UBA2: variants seen among roughly 807,000 people sequenced by gnomAD.
UBA2 encodes ubiquitin like modifier activating enzyme 2.
UBA2 carries 11 observed loss-of-function variants against 77.2 expected under a neutral mutation model. The observed-to-expected ratio is 0.14, with a 90% CI of 0.09 to 0.24. The LOEUF is 0.24. UBA2 is among the 10% of genes least tolerant of loss of function. The probability of loss-of-function intolerance (pLI) is 1.00; values close to 1 mark genes in which losing one functional copy is unlikely to be tolerated. For synonymous variants in UBA2, 278 were observed against 276.7 expected, an observed-to-expected ratio of 1.00 and a Z score of -0.05; for missense variants, 487 against 781.7, an observed-to-expected ratio of 0.62 and a Z score of 4.50.
intron 15 of UBA2, 84 bp downstream of exon 15, chr19:34,464,215 C>T (rs2075663280): frequency 1.2e-5 from 11 of 900,432 alleles, no homozygotes; most frequent in South Asian, 1.2e-4. Context: ...GTTTTCTTAT[C>T]CTTAAACCCT....
intron 1 of UBA2, among the ~76,000 whole-genome samples, chr19:34,429,619 G>A (rs1050819437): frequency 1.3e-5 from 2 of 152,068 alleles, no homozygotes; most frequent in African/African-American, 4.8e-5. Flanking sequence ...CGTTTGCCAT[G>A]TATCATTTAA....
intron 5 of UBA2, 62 bp from the exon 6 acceptor site, chr19:34,438,583 A>G: frequency 6.9e-6 from 11 of 1,595,010 alleles, no homozygotes; most frequent in Non-Finnish European, 9.4e-6. Flanking sequence ...TGTTTATATT[A>G]CCTTATAATG....
At chr19:34,451,897 C>T (rs1185954595) in intron 9 of UBA2, 84 bp from the exon 10 acceptor site, 20 of 686,136 alleles carry the variant, frequency 2.9e-5, no homozygotes, top group African/African-American at 7.5e-5. Context: ...TCTTAATGGT[C>T]GGGGATTGAA....
At chr19:34,467,904 T>C (rs1222305916) in intron 16 of UBA2, among the ~76,000 whole-genome samples, 1 of 152,228 alleles carries the variant, frequency 6.6e-6, no homozygotes, top group East Asian at 1.9e-4. Flanking sequence ...GCCTATGTAG[T>C]AGCAGGTTGG....
intron 16 of UBA2, among the ~76,000 whole-genome samples, chr19:34,467,543 G>A (rs1245168863): frequency 1.3e-5 from 2 of 152,026 alleles, no homozygotes; most frequent in African/African-American, 2.4e-5. Flanking sequence ...GGGAGGCCGA[G>A]GCGGGCAGAT....
chr19:34,430,688 A>G (rs1490713776), intron 2 of UBA2, 29 bp downstream of exon 2: 3 of 1,549,086 alleles, frequency 1.9e-6, no homozygotes, highest in Non-Finnish European at 2.7e-6. Flanking sequence ...CCATTTCTAT[A>G]ACTTGATGGA....
intron 12 of UBA2, among the ~76,000 whole-genome samples, chr19:34,457,177 AAAATATATATATATATATAT>A (rs2075574451): frequency 2.9e-5 from 2 of 68,506 alleles, no homozygotes; most frequent in Admixed American, 1.3e-4. Flanking sequence ...AAAAAAAAAA[AAAATATATATATATATATAT>A]ATATATATAT....
rs1404900368 is a variant in UBA2 at position 34,467,133 on chromosome 19, G to C, written c.1741+119G>C. On this transcript the variant is annotated intron_variant, in intron 16 of 16. Coordinates refer to ENST00000246548, the MANE Select transcript of UBA2 (RefSeq NM_005499.3). ...AACTACTAGAGGTGTGTATTGGTTT[G>C]GTATTGATTGTTGTAATGGAGCTTT... 1.7e-5 allele frequency: 21 copies of C among 1,228,332 alleles called. No individual in the cohort carries two copies. The Admixed American group carries it at 5.0e-4, about 29-fold the overall frequency. The allele number at this position is 1,228,332 out of a possible 1,614,324, so 76.1% of individuals were successfully genotyped here. A position where few individuals can be genotyped will look rare whatever the true frequency, so the allele number is the denominator to read the frequency against.
chr19:34,429,475 T>C (rs576400210), intron 1 of UBA2, among the ~76,000 whole-genome samples: 1 of 152,242 alleles, frequency 6.6e-6, no homozygotes, highest in South Asian at 2.1e-4. Context: ...TAAGCAAAAA[T>C]TAGATAAAAC....
At chr19:34,428,593 T>C (rs750701216) in intron 1 of UBA2, 23 bp downstream of exon 1, 4 of 1,229,306 alleles carry the variant, frequency 3.3e-6, no homozygotes, top group Non-Finnish European at 4.1e-6. Context: ...CGCGCGCGCG[T>C]GAATGGCGGG....
At chr19:34,449,065 CTTTTTTTT>C (rs11332668) in intron 8 of UBA2, among the ~76,000 whole-genome samples, 4 of 73,840 alleles carry the variant, frequency 5.4e-5, no homozygotes, top group East Asian at 8.4e-4. Flanking sequence ...AAATATAAAT[CTTTTTTTT>C]TTTTTTTTTT....
intron 7 of UBA2, among the ~76,000 whole-genome samples, chr19:34,444,687 G>C (rs1338128567): frequency 6.6e-6 from 1 of 152,150 alleles, no homozygotes; most frequent in Non-Finnish European, 1.5e-5. Context: ...CATACCTGTA[G>C]TCCCAACTAC....
At chr19:34,456,907 A>C (rs933308031) in intron 12 of UBA2, among the ~76,000 whole-genome samples, 2 of 151,868 alleles carry the variant, frequency 1.3e-5, no homozygotes, top group Non-Finnish European at 2.9e-5. Flanking sequence ...AGCAGCCTGA[A>C]GCTGTAGTAT....
chr19:34,468,281 G>T (rs1172767061), intron 16 of UBA2, among the ~76,000 whole-genome samples: 1 of 152,186 alleles, frequency 6.6e-6, no homozygotes, highest in Non-Finnish European at 1.5e-5. Flanking sequence ...CGAACATTCA[G>T]ATTATGGCCT....
At chr19:34,433,186 C>A in intron 3 of UBA2, 162 bp from the exon 4 acceptor site, 1 of 532,302 alleles carries the variant, frequency 1.9e-6, no homozygotes, top group Non-Finnish European at 3.3e-6. Flanking sequence ...TTAAAATCTG[C>A]TTATGTTTGG....
intron 5 of UBA2, among the ~76,000 whole-genome samples, chr19:34,435,298 T>A (rs1275367817): frequency 6.6e-6 from 1 of 152,330 alleles, no homozygotes; most frequent in Non-Finnish European, 1.5e-5. Flanking sequence ...CTTGGGAGGC[T>A]GAGCCAGGCG....
Position 34,466,770 on chromosome 19 carries a change from A to G in UBA2, c.1605-108A>G, listed in dbSNP as rs535664839. Reference sequence around the variant, plus strand: ...AAAATTAAAAAAAAAATTAGAATCCACATATTTGGTGTATACATAGTGTAT... The same window carrying G: ...AAAATTAAAAAAAAAATTAGAATCCGCATATTTGGTGTATACATAGTGTAT... On this transcript the variant is annotated intron_variant, in intron 15 of 16. Coordinates refer to ENST00000246548, the MANE Select transcript of UBA2 (RefSeq NM_005499.3). The G allele has an allele frequency of 8.9e-6, 7 of 783,952 alleles. No individual in the cohort carries two copies. In the East Asian group the frequency reaches 1.6e-4, roughly 18 times the overall value. 48.6% of individuals were successfully genotyped at this position (783,952 alleles called of 1,614,324 possible).
In UBA2 at chr19:34,469,354, A is replaced by G. The variant is rs1372523903; in HGVS notation, c.*133A>G. The G allele has an allele frequency of 1.3e-6, 1 of 771,760 alleles. No homozygotes were observed. The highest frequency in any genetic ancestry group is 1.8e-5 in the African/African-American group (1 of 55,882). 47.8% of individuals were successfully genotyped at this position (771,760 alleles called of 1,614,324 possible). A position where few individuals can be genotyped will look rare whatever the true frequency, so the allele number is the denominator to read the frequency against. ...AAATGATTCTGCTCCCTTTGAAAGC[A>G]TTCATTTTGCTAGAACTGTTAGACA... On this transcript the variant is annotated 3_prime_UTR_variant, in exon 17 of 17. Coordinates refer to ENST00000246548, the MANE Select transcript of UBA2 (RefSeq NM_005499.3).
chr19:34,456,106 C>CTTTTTTT (rs869130576), intron 12 of UBA2, among the ~76,000 whole-genome samples: 2 of 73,626 alleles, frequency 2.7e-5, no homozygotes, highest in East Asian at 3.2e-4. Context: ...TTTTCTTTTT[C>CTTTTTTT]TTTTTTTTTT....
Sources: gnomAD v4.1 joint callset for allele counts (sites outside exome capture counted in the v4.1 genomes callset) on GRCh38, gnomAD v4.1.1 for gene constraint, MANE v1.5 for transcripts, NCBI Gene and HGNC (gene_info 2026-07-23, HGNC 2026-07-21) for gene names.